ELMO1: variants seen among roughly 807,000 people sequenced by gnomAD.
ELMO1 encodes the protein engulfment and cell motility 1.
Under a neutral mutation model 98.9 loss-of-function variants are expected in ELMO1, and 26 were observed. The ratio of observed to expected loss-of-function variants is 0.26; its 90% CI spans 0.19 to 0.36. The LOEUF is 0.36. Among genes scored for constraint, ELMO1 ranks in the 10% least tolerant of loss-of-function variants. The pLI is 1.00. For missense variants in ELMO1, 627 were observed against 935.2 expected, an observed-to-expected ratio of 0.67 and a Z score of 4.30; for synonymous variants, 346 against 346.0, an observed-to-expected ratio of 1.00 and a Z score of 0.00.
At chr7:36,921,770 C>A (rs73106664) in intron 16 of ELMO1, among the ~76,000 whole-genome samples, 6,337 of 152,172 alleles carry the variant, frequency 0.042, 276 homozygotes, top group African/African-American at 0.11. Context: ...TCAATTATGG[C>A]AGTCTTTTAT....
intron 11 of ELMO1, among the ~76,000 whole-genome samples, chr7:37,216,147 TCCA>T (rs968010552): frequency 1.3e-5 from 2 of 149,220 alleles, no homozygotes; most frequent in African/African-American, 5.0e-5. Context: ...TTTTTTTTTT[TCCA>T]CCAAGGTTTA....
rs1359734998 is a variant in ELMO1 at position 37,213,430 on chromosome 7, T to C, written c.859A>G (p.Asn287Asp). Residue 287 changes from asparagine to aspartate, a missense_variant, in exon 12 of 22, where the codon AAC becomes GAC. By Grantham distance (23) the Asn-to-Asp change is conservative. Transcript: ENST00000310758. ...THVIRAQRAI[N>D]NEMAHQLYVL... ...TACAGCTGGTGCGCCATCTCATTGTTGATGGCCCGCTGGGCTCGGATGACA... is the reference window on the plus strand; with the variant it reads ...TACAGCTGGTGCGCCATCTCATTGTCGATGGCCCGCTGGGCTCGGATGACA... 1 of 1,612,318 alleles carries C rather than the reference T, an allele frequency of 6.2e-7. No homozygotes were observed. The highest frequency in any genetic ancestry group is 8.5e-7 in the Non-Finnish European group (1 of 1,179,670).
intron 16 of ELMO1, among the ~76,000 whole-genome samples, chr7:36,924,195 A>C (rs924553717): frequency 6.6e-5 from 10 of 152,214 alleles, no homozygotes; most frequent in African/African-American, 2.4e-4. Context: ...ACTGTTGCCC[A>C]ACTGCTTTGG....
At chr7:37,070,263 C>A (rs6955605) in intron 15 of ELMO1, among the ~76,000 whole-genome samples, 13,471 of 152,224 alleles carry the variant, frequency 0.088, 959 homozygotes, top group African/African-American at 0.2. Flanking sequence ...CTGCTTAAGT[C>A]TCTTCATTCT....
intron 15 of ELMO1, among the ~76,000 whole-genome samples, chr7:37,052,073 A>T (rs1310620933): frequency 3.9e-5 from 6 of 152,166 alleles, no homozygotes; most frequent in Non-Finnish European, 8.8e-5. Flanking sequence ...GAGATCTCCA[A>T]GATGCTTTCA....
At chr7:37,129,013 T>C (rs1786720341) in intron 14 of ELMO1, among the ~76,000 whole-genome samples, 1 of 152,064 alleles carries the variant, frequency 6.6e-6, no homozygotes, top group Admixed American at 6.5e-5. Context: ...AACATGGCCT[T>C]TGCCATGAGG....
intron 13 of ELMO1, among the ~76,000 whole-genome samples, chr7:37,173,269 A>G (rs1790291413): frequency 6.6e-6 from 1 of 152,180 alleles, no homozygotes; most frequent in South Asian, 2.1e-4. Flanking sequence ...ACCAGCACCT[A>G]GGACTGCAGG....
chr7:37,305,445 A>AGTGTGTGTGTGTGT (rs147003634), intron 4 of ELMO1, among the ~76,000 whole-genome samples: 34 of 122,912 alleles, frequency 2.8e-4, no homozygotes, highest in African/African-American at 9.0e-4. Context: ...CAGTACAGAT[A>AGTGTGTGTGTGTGT]GTGTGTGTGT....
At chr7:37,064,891 T>C (rs1345999102) in intron 15 of ELMO1, among the ~76,000 whole-genome samples, 3 of 152,108 alleles carry the variant, frequency 2.0e-5, no homozygotes, top group Non-Finnish European at 4.4e-5. Context: ...TTGGTGGGGA[T>C]GGTAAGGTCT....
intron 15 of ELMO1, among the ~76,000 whole-genome samples, chr7:37,014,623 C>G (rs201642861): frequency 6.6e-6 from 1 of 152,066 alleles, no homozygotes; most frequent in Non-Finnish European, 1.5e-5. Context: ...CTCTATCCCC[C>G]AGTCCCCCCA....
chr7:37,434,292 C>T (rs1207523154), intron 1 of ELMO1, among the ~76,000 whole-genome samples: 1 of 152,108 alleles, frequency 6.6e-6, no homozygotes, highest in African/African-American at 2.4e-5. Flanking sequence ...TCTGGGACCA[C>T]GTGCACTGGG....
chr7:36,945,725 A>G (rs1315276313), intron 16 of ELMO1, among the ~76,000 whole-genome samples: 5 of 152,200 alleles, frequency 3.3e-5, no homozygotes, highest in Non-Finnish European at 1.5e-5. Context: ...GCCTGCTAAC[A>G]TAATAGCCTG....
intron 13 of ELMO1, among the ~76,000 whole-genome samples, chr7:37,141,221 T>TA (rs1265324659): frequency 2.8e-4 from 42 of 152,092 alleles, no homozygotes; most frequent in Admixed American, 2.6e-3. Flanking sequence ...GAGAATGAAA[T>TA]AGTGGCATTC....
At chr7:36,944,771 C>T (rs972764940) in intron 16 of ELMO1, among the ~76,000 whole-genome samples, 1 of 152,142 alleles carries the variant, frequency 6.6e-6, no homozygotes, top group African/African-American at 2.4e-5. Flanking sequence ...GTGTTCCCAG[C>T]CCTTAGTGAA....
In ELMO1 at chr7:37,255,898, G is replaced by T. The variant is rs540846254; in HGVS notation, c.413+3283C>A. ...GCCCCACTCTCTCACCAGAAGCCGT[G>T]GGGGGTATGTAGTATAGGCTACCAT... On this transcript the variant is annotated intron_variant, in intron 6 of 21. Transcript: ENST00000310758. 6.6e-5 allele frequency among the ~76,000 whole-genome samples: 10 copies of T among 152,266 alleles called. No individual in the cohort carries two copies. The South Asian group carries it at 1.5e-3, about 22-fold the overall frequency.
At chr7:37,119,122 T>C (rs915421737) in intron 14 of ELMO1, among the ~76,000 whole-genome samples, 1 of 152,198 alleles carries the variant, frequency 6.6e-6, no homozygotes. Flanking sequence ...ATGAAAATAC[T>C]CAGCTTAGTT....
Position 37,410,152 on chromosome 7 carries a change from G to A in ELMO1, c.-74+38523C>T, listed in dbSNP as rs73693570. On this transcript the variant is annotated intron_variant, in intron 1 of 21. Coordinates refer to ENST00000310758, the MANE Select transcript of ELMO1 (RefSeq NM_014800.11). ...TGCTGTAATTGCTCTAGCTCAGAGA[G>A]TCTCTAACTTCTTTGCATAGGCAGG... Among the ~76,000 whole-genome samples, 1,031 of 152,306 alleles carry A rather than the reference G, an allele frequency of 6.8e-3. 8 individuals carry two copies. The highest frequency in any genetic ancestry group is 0.024 in the African/African-American group (977 of 41,550).
chr7:37,061,562 C>T (rs139027054), intron 15 of ELMO1, among the ~76,000 whole-genome samples: 12 of 152,210 alleles, frequency 7.9e-5, no homozygotes, highest in African/African-American at 2.4e-4. Flanking sequence ...ACAAAACAGA[C>T]ATTGAGGTGG....
In ELMO1 at chr7:36,929,752, G is replaced by A. The variant is rs114672165; in HGVS notation, c.1438-34735C>T. On this transcript the variant is annotated intron_variant, in intron 16 of 21. Coordinates refer to ENST00000310758, the MANE Select transcript of ELMO1 (RefSeq NM_014800.11). ...GTATACTGAAATATTATATATTCAAGTCTATGATGGTCAAATCTATTGTAC... is the reference window on the plus strand; with the variant it reads ...GTATACTGAAATATTATATATTCAAATCTATGATGGTCAAATCTATTGTAC... Among the ~76,000 whole-genome samples, 1,184 of 152,286 alleles carry A rather than the reference G, an allele frequency of 7.8e-3. 17 individuals are homozygous for A. The highest frequency in any genetic ancestry group is 0.027 in the African/African-American group (1,131 of 41,532).
Sources: gnomAD v4.1 joint callset for allele counts (sites outside exome capture counted in the v4.1 genomes callset) on GRCh38, gnomAD v4.1.1 for gene constraint, MANE v1.5 for transcripts, NCBI Gene and HGNC (gene_info 2026-07-23, HGNC 2026-07-21) for gene names.